The following CD36 variants were observed in gnomAD, a reference collection of about 807,000 sequenced individuals.
CD36 encodes the protein platelet glycoprotein 4.
CD36 carries 119 observed loss-of-function variants against 55.2 expected under a neutral mutation model. The observed-to-expected ratio is 2.15, with a 90% CI of 1.86 to 2.51. The LOEUF (loss-of-function observed/expected upper bound fraction) is 2.51, where lower values mean the gene tolerates loss of function less well. CD36 is among the 30% of genes most tolerant of loss of function. The pLI is 0.00. For synonymous variants in CD36, 186 were observed against 193.6 expected (o/e 0.96, Z 0.33); for missense variants, 819 against 555.5 (o/e 1.47, Z -4.77).
rs752826096 is a variant in CD36, at chr7:80,673,407, G to C, written c.1252G>C (p.Glu418Gln). 3.8e-6 allele frequency: 6 copies of C among 1,562,792 alleles called. No homozygotes were observed. Among genetic ancestry groups the C allele is most frequent in the East Asian group, 2.3e-5 (1 of 44,344 alleles). The change falls in exon 13 of 15, where the codon GAG (glutamate) becomes CAG (glutamine). Residue 418 changes from glutamate (E) to glutamine (Q), a missense_variant and splice_region_variant. Physicochemically the swap from Glu to Gln is conservative, Grantham distance 29. Transcript: ENST00000447544. Reference protein sequence around the residue: ...NYIVPILWLNETGTIGDEKAN... With the variant: ...NYIVPILWLNQTGTIGDEKAN... The stretch of plus-strand genomic sequence containing the variant: ...TATTGTGCCTATTCTTTGGCTTAAT[G>C]AGGTTTGTATTTGCAGCTGTTAGTC...
intron 1 of CD36, among the ~76,000 whole-genome samples, chr7:80,612,162 A>G (rs1792909312): frequency 6.6e-6 from 1 of 152,184 alleles, no homozygotes; most frequent in African/African-American, 2.4e-5. Flanking sequence ...CTGAAATCCA[A>G]TTTCCACTAC....
At chr7:80,666,261 C>T (rs188030262) in intron 7 of CD36, 182 bp from the exon 8 acceptor site, 1 of 575,176 alleles carries the variant, frequency 1.7e-6, no homozygotes, top group African/African-American at 1.9e-5. Context: ...GCATCAGGTA[C>T]ATTGCAATAA....
rs201355711 is a variant in CD36, at chr7:80,672,807, A to T, written c.1163A>T (p.Gln388Leu). ...GFTLQFAKRL[Q>L]VNLLVKPSEK... ...ACTTTACAATTTGCAAAACGGCTGC[A>T]GGTCAACCTATTGGTCAAGCCATCA... The change falls in exon 12 of 15, where the codon CAG becomes CTG. Residue 388 changes from glutamine to leucine, a missense_variant. Physicochemically the swap from Gln to Leu is moderately radical, Grantham distance 113. Transcript: ENST00000447544. The T allele has an allele frequency of 7.1e-5, 114 of 1,611,174 alleles. No homozygotes were observed. The East Asian group carries it at 2.4e-3, about 34-fold the overall frequency.
Position 80,604,078 on chromosome 7 carries a change from G to A in CD36, c.-184+1699G>A, listed in dbSNP as rs539974708. ...AAAAATTGTGAAGTGTGTGCAACGC[G>A]CTTCACAACAGGTTACTTTATTGCC... is the stretch of plus-strand genomic sequence containing the variant. On this transcript the variant is annotated intron_variant, in intron 1 of 13. Coordinates refer to the CD36 transcript ENST00000309881. 5.8e-4 allele frequency among the ~76,000 whole-genome samples: 88 copies of A among 152,136 alleles called. 1 individual carries two copies. Among genetic ancestry groups the A allele is most frequent in the Middle Eastern group, 6.8e-3 (2 of 294 alleles).
At chr7:80,656,479 C>A in intron 3 of CD36, 61 bp from the exon 4 acceptor site, 1 of 1,503,546 alleles carries the variant, frequency 6.7e-7, no homozygotes, top group Non-Finnish European at 9.2e-7. Context: ...TGCAAACAAT[C>A]TTCCAGAAGT....
chr7:80,608,472 G>A (rs1240596291), intron 1 of CD36, among the ~76,000 whole-genome samples: 1 of 152,066 alleles, frequency 6.6e-6, no homozygotes, highest in African/African-American at 2.4e-5. Context: ...CTACCTCATA[G>A]GGTAACTGTT....
intron 8 of CD36, among the ~76,000 whole-genome samples, chr7:80,667,963 G>T (rs1347971766): frequency 6.6e-6 from 1 of 151,864 alleles, no homozygotes; most frequent in East Asian, 1.9e-4. Context: ...TGGCCAGGAT[G>T]GTCTTGATCT....
chr7:80,617,410 C>G (rs1462068583), intron 1 of CD36, among the ~76,000 whole-genome samples: 1 of 151,956 alleles, frequency 6.6e-6, no homozygotes, highest in Non-Finnish European at 1.5e-5. Context: ...TATGTATCCT[C>G]AAAATAATTT....
At chr7:80,620,629 C>T (rs547426570) in intron 1 of CD36, among the ~76,000 whole-genome samples, 1 of 152,162 alleles carries the variant, frequency 6.6e-6, no homozygotes, top group South Asian at 2.1e-4. Context: ...ATTCCTTCCC[C>T]CAGGATGTAG....
chr7:80,663,982 C>A (rs1295318690), intron 6 of CD36, among the ~76,000 whole-genome samples: 1 of 152,052 alleles, frequency 6.6e-6, no homozygotes, highest in East Asian at 1.9e-4. Flanking sequence ...AATGCTTTAA[C>A]TTTTGGATGT....
At chr7:80,607,031 C>T (rs141809597) in intron 1 of CD36, among the ~76,000 whole-genome samples, 1 of 152,242 alleles carries the variant, frequency 6.6e-6, no homozygotes, top group African/African-American at 2.4e-5. Context: ...TTGGGAAACA[C>T]AGGATTAAAC....
chr7:80,631,249 G>A (rs1468814120), intron 1 of CD36, among the ~76,000 whole-genome samples: 3 of 151,960 alleles, frequency 2.0e-5, no homozygotes, highest in Admixed American at 6.6e-5. Flanking sequence ...ATATGTTTGA[G>A]TCCTTCGTTG....
At chr7:80,653,630 A>G (rs1362689819) in intron 3 of CD36, among the ~76,000 whole-genome samples, 1 of 152,186 alleles carries the variant, frequency 6.6e-6, no homozygotes, top group Non-Finnish European at 1.5e-5. Flanking sequence ...TTTTCTGTGT[A>G]CATACTTACC....
In CD36 at chr7:80,646,184, A is replaced by G. The variant is rs919167387; in HGVS notation, c.-90+3A>G. Reference sequence around the variant, plus strand: ...CTTGCTGTTGATTTGTGAATAAGGTATCGTAAATAAAACATCTGTTACCAT... The same window carrying G: ...CTTGCTGTTGATTTGTGAATAAGGTGTCGTAAATAAAACATCTGTTACCAT... On this transcript the variant is annotated splice_donor_region_variant and intron_variant, in intron 2 of 14. Transcript: ENST00000447544. 2 of 157,110 alleles carry G rather than the reference A, an allele frequency of 1.3e-5. No individual in the cohort carries two copies. The highest frequency in any genetic ancestry group is 4.8e-5 in the African/African-American group (2 of 41,472). The allele number at this position is 157,110 out of a possible 1,614,324, so 9.7% of individuals were successfully genotyped here. A position where few individuals can be genotyped will look rare whatever the true frequency, so the allele number is the denominator to read the frequency against.
At chr7:80,641,405 C>T (rs768918421) in intron 1 of CD36, among the ~76,000 whole-genome samples, 15 of 151,952 alleles carry the variant, frequency 9.9e-5, no homozygotes, top group South Asian at 2.1e-4. Flanking sequence ...TCATGCAAAC[C>T]GTTGAATGAA....
intron 1 of CD36, among the ~76,000 whole-genome samples, chr7:80,608,655 G>T (rs772792186): frequency 2.6e-5 from 4 of 152,082 alleles, no homozygotes; most frequent in African/African-American, 7.2e-5. Flanking sequence ...ATTGGCTCAG[G>T]ATCTTGCAGC....
At chr7:80,674,265 C>T in intron 14 of CD36, 118 bp downstream of exon 14, 1 of 704,228 alleles carries the variant, frequency 1.4e-6, no homozygotes, top group Non-Finnish European at 2.4e-6. Context: ...TGTCTAGCCA[C>T]TGATCATTTT....
intron 12 of CD36, 120 bp from the exon 13 acceptor site, chr7:80,673,235 G>C (rs1225579389): frequency 1.2e-5 from 7 of 571,558 alleles, no homozygotes; most frequent in South Asian, 5.3e-5. Context: ...ATTTAAATGA[G>C]TCATTACAGG....
At chr7:80,655,934 A>AC (rs1189036791) in intron 3 of CD36, among the ~76,000 whole-genome samples, 1 of 148,870 alleles carries the variant, frequency 6.7e-6, no homozygotes, top group Non-Finnish European at 1.5e-5. Context: ...AAAAAAAAAA[A>AC]GAAAAGAAAA....
Sources: allele counts gnomAD v4.1 joint callset (sites outside exome capture counted in the v4.1 genomes callset), GRCh38; gene constraint gnomAD v4.1.1; transcripts MANE v1.5; gene names NCBI Gene and HGNC (gene_info 2026-07-23, HGNC 2026-07-21).